KIF21A: variants seen among roughly 807,000 people sequenced by gnomAD.
KIF21A encodes the protein kinesin family member 21A.
KIF21A carries 114 observed loss-of-function variants against 202.9 expected under a neutral mutation model. That is an observed-to-expected ratio of 0.56 (90% CI 0.48 to 0.66). KIF21A has a LOEUF of 0.66. Ranked by LOEUF, KIF21A falls within the 30% of genes least tolerant of loss-of-function variation. The pLI, the probability that KIF21A is intolerant of heterozygous loss-of-function variation, is 0.00. For missense variants in KIF21A, 1,677 were observed against 1,994.9 expected (o/e 0.84, Z 3.04); for synonymous variants, 667 against 670.8 (o/e 0.99, Z 0.09).
At position 39,293,852 on chromosome 12, in the gene KIF21A, TTAG is replaced by T. The variant is rs1942056149; in HGVS notation, c.*569_*571del. ...AACACAAACTGTCTACCCTTCTCTG[TTAG>T]TAGATTAAGATCAATTCCACCTTAT... On this transcript the variant is annotated 3_prime_UTR_variant, in exon 38 of 38. Coordinates refer to ENST00000361418, the MANE Select transcript of KIF21A (RefSeq NM_001173464.2). The T allele has an allele frequency of 6.5e-6, 1 of 154,898 alleles. No individual in the cohort carries two copies. Among genetic ancestry groups the T allele is most frequent in the African/African-American group, 2.4e-5 (1 of 41,448 alleles). The allele number at this position is 154,898 out of a possible 1,614,324, so 9.6% of individuals were successfully genotyped here.
chr12:39,305,368 G>GAAAAAAAA (rs539400060), intron 34 of KIF21A, among the ~76,000 whole-genome samples: 1 of 78,794 alleles, frequency 1.3e-5, no homozygotes, highest in Non-Finnish European at 2.9e-5. Context: ...TCCGACTCAA[G>GAAAAAAAA]AAAAAAAAAA....
rs150636367 is a variant in KIF21A at position 39,336,824 on chromosome 12, A to G, written c.2418+272T>C. On this transcript the variant is annotated intron_variant, in intron 17 of 37. Transcript: ENST00000361418. The stretch of plus-strand genomic sequence containing the variant: ...TAGTTCCTTGGTCATCCTAGAGATA[A>G]CCAGTCATTCTTGCCATTTACTTCT... Among the ~76,000 whole-genome samples, 631 of 152,232 alleles carry G rather than the reference A, an allele frequency of 4.1e-3. 7 individuals carry two copies. The highest frequency in any genetic ancestry group is 0.015 in the African/African-American group (617 of 41,552).
chr12:39,358,300 C>A lies in KIF21A; in HGVS notation c.1093G>T (p.Ala365Ser), dbSNP rs1948950282. ...FMETLNTLKYANRARNIKNKV... is the reference protein window; with the variant it reads ...FMETLNTLKYSNRARNIKNKV... ...TTCTTGATATTTCTAGCTCGATTGG[C>A]GTATTTCAGGGTGTTTAACGTTTCC... is the stretch of plus-strand genomic sequence containing the variant. The change falls in exon 8 of 38, where the codon GCC (alanine) becomes TCC (serine). Residue 365 changes from alanine to serine, a missense_variant. By Grantham distance (99) the Ala-to-Ser change is moderately conservative. Transcript: ENST00000361418. 2.5e-6 allele frequency: 4 copies of A among 1,613,984 alleles called. No homozygotes were observed. The highest frequency in any genetic ancestry group is 2.5e-6 in the Non-Finnish European group (3 of 1,179,928).
At chr12:39,371,928 G>A (rs543589678) in intron 1 of KIF21A, among the ~76,000 whole-genome samples, 16 of 146,610 alleles carry the variant, frequency 1.1e-4, no homozygotes, top group Middle Eastern at 3.5e-3. Flanking sequence ...GTGAGAATCC[G>A]TCTCAAAAAA....
chr12:39,359,983 A>G (rs1949081832), intron 7 of KIF21A, among the ~76,000 whole-genome samples: 1 of 152,184 alleles, frequency 6.6e-6, no homozygotes, highest in African/African-American at 2.4e-5. Context: ...GTCATGCACA[A>G]TATTAACTCA....
intron 37 of KIF21A, among the ~76,000 whole-genome samples, chr12:39,299,377 G>A (rs1942743982): frequency 6.6e-6 from 1 of 152,026 alleles, no homozygotes; most frequent in Non-Finnish European, 1.5e-5. Context: ...CATTATTAGA[G>A]AAATGCAAAT....
intron 31 of KIF21A, 41 bp downstream of exon 31, chr12:39,315,188 A>G: frequency 6.3e-7 from 1 of 1,589,620 alleles, no homozygotes; most frequent in African/African-American, 1.3e-5. Context: ...GTCTTTTGAT[A>G]CTGGAAATGA....
chr12:39,295,277 AG>A (rs1942192266), intron 37 of KIF21A, among the ~76,000 whole-genome samples: 1 of 152,240 alleles, frequency 6.6e-6, no homozygotes, highest in Non-Finnish European at 1.5e-5. Flanking sequence ...TTGCCCTCGC[AG>A]GTGAATACTG....
At chr12:39,342,437 G>GT (rs1050881244) in intron 12 of KIF21A, among the ~76,000 whole-genome samples, 2 of 152,036 alleles carry the variant, frequency 1.3e-5, no homozygotes, top group African/African-American at 4.8e-5. Flanking sequence ...TAACTAGAAT[G>GT]TAAGGCAATT....
At chr12:39,362,548 G>T (rs1009000038) in intron 7 of KIF21A, among the ~76,000 whole-genome samples, 1 of 151,682 alleles carries the variant, frequency 6.6e-6, no homozygotes, top group Non-Finnish European at 1.5e-5. Context: ...GTATGAGAAA[G>T]CAAGAATGTC....
intron 16 of KIF21A, 47 bp downstream of exon 16, chr12:39,340,118 A>G (rs764226580): frequency 1.4e-6 from 2 of 1,477,530 alleles, no homozygotes; most frequent in East Asian, 4.5e-5. Context: ...CCCAAATGAC[A>G]AAATCATACT....
intron 1 of KIF21A, among the ~76,000 whole-genome samples, chr12:39,393,568 C>T (rs1951525370): frequency 6.6e-6 from 1 of 152,308 alleles, no homozygotes; most frequent in Admixed American, 6.5e-5. Context: ...TTTTCCCTCA[C>T]TTCTGTTACA....
intron 1 of KIF21A, among the ~76,000 whole-genome samples, chr12:39,393,815 A>C (rs529857335): frequency 7.5e-4 from 114 of 152,370 alleles, no homozygotes; most frequent in African/African-American, 2.7e-3. Flanking sequence ...ATAACATGAC[A>C]TGAAATAACA....
At chr12:39,357,505 TACTCTATAACTATACA>T (rs1948867053) in intron 8 of KIF21A, 68 bp from the exon 9 acceptor site, 2 of 1,306,620 alleles carry the variant, frequency 1.5e-6, no homozygotes, top group African/African-American at 2.9e-5. Flanking sequence ...TGCTTAAGAA[TACTCTATAACTATACA>T]ATTCTCTAAC....
At chr12:39,408,976 C>T (rs564239812) in intron 1 of KIF21A, among the ~76,000 whole-genome samples, 13 of 152,024 alleles carry the variant, frequency 8.6e-5, no homozygotes, top group Admixed American at 4.6e-4. Context: ...CGTGCCACCA[C>T]GCCCAGCTAA....
intron 1 of KIF21A, among the ~76,000 whole-genome samples, chr12:39,438,416 T>C (rs1939115386): frequency 1.3e-5 from 2 of 152,184 alleles, no homozygotes; most frequent in Admixed American, 1.3e-4. Flanking sequence ...CTTACAACTC[T>C]TAATATCTTT....
rs113106848 is a variant in KIF21A, at chr12:39,386,845, C to T, written c.45-16584G>A. Among the ~76,000 whole-genome samples, 399 of 152,186 alleles carry T rather than the reference C, an allele frequency of 2.6e-3. 3 individuals carry two copies. The highest frequency in any genetic ancestry group is 8.8e-3 in the African/African-American group (365 of 41,536). ...CAGGTTCTTCTATATTCCTTACTAA[C>T]CCAGTTAAAGCAAGAGGTTCAGAAG... On this transcript the variant is annotated intron_variant, in intron 1 of 37. Coordinates refer to ENST00000361418, the MANE Select transcript of KIF21A (RefSeq NM_001173464.2).
At chr12:39,405,306 T>G (rs115584713) in intron 1 of KIF21A, among the ~76,000 whole-genome samples, 2 of 152,044 alleles carry the variant, frequency 1.3e-5, no homozygotes, top group Non-Finnish European at 2.9e-5. Context: ...GAGCCAAGAC[T>G]GTGCCATTAC....
At chr12:39,410,921 GGAAA>G (rs1165087524) in intron 1 of KIF21A, among the ~76,000 whole-genome samples, 4 of 152,100 alleles carry the variant, frequency 2.6e-5, no homozygotes, top group Non-Finnish European at 5.9e-5. Context: ...AGGGAGGGAG[GGAAA>G]GAGAGAGAAT....
Sources: gnomAD v4.1 joint callset for allele counts (sites outside exome capture counted in the v4.1 genomes callset) on GRCh38, gnomAD v4.1.1 for gene constraint, MANE v1.5 for transcripts, NCBI Gene and HGNC (gene_info 2026-07-23, HGNC 2026-07-21) for gene names.